Variants in C3orf20 observed in about 807,000 individuals in gnomAD.
The protein encoded by C3orf20 is family with sequence similarity 149 member C.
Under a neutral mutation model 88.3 loss-of-function variants are expected in C3orf20, and 76 were observed. The observed-to-expected ratio is 0.86, with a 90% CI of 0.72 to 1.04. The LOEUF (loss-of-function observed/expected upper bound fraction) is 1.04, where lower values mean the gene tolerates loss of function less well. Ranked by LOEUF, C3orf20 falls within the 50% of genes least tolerant of loss-of-function variation. C3orf20 has a pLI of 0.00. For missense variants in C3orf20, 1,056 were observed against 1,123.3 expected, an observed-to-expected ratio of 0.94 and a Z score of 0.86; for synonymous variants, 436 against 437.4, an observed-to-expected ratio of 1.00 and a Z score of 0.04.
Position 14,704,512 on chromosome 3 carries a change from C to T in C3orf20, c.1054C>T (p.Pro352Ser). Reference sequence around the variant, plus strand: ...TCAGACTCTCAGCCCCACCTCTCACCCATCTTCTGCCAACCATCATTTCAG... The same window carrying T: ...TCAGACTCTCAGCCCCACCTCTCACTCATCTTCTGCCAACCATCATTTCAG... ...GAQTLSPTSH[P>S]SSANHHFSQH... is the part of the protein sequence containing the mutation. Residue 352 changes from proline (P) to serine (S), a missense_variant, in exon 7 of 17, where the codon CCA (proline) becomes TCA (serine). Pro to Ser is a moderately conservative substitution (Grantham distance 74, BLOSUM62 -1). Transcript: ENST00000253697. The T allele has an allele frequency of 3.1e-6, 5 of 1,614,148 alleles. No individual in the cohort carries two copies. Among genetic ancestry groups the T allele is most frequent in the Non-Finnish European group, 3.4e-6 (4 of 1,180,014 alleles).
In C3orf20 at chr3:14,764,504, ATTATTGTTG is replaced by A. The variant is rs1245815933; in HGVS notation, c.2495+2892_2495+2900del. 4.7e-5 allele frequency among the ~76,000 whole-genome samples: 7 copies of A among 149,022 alleles called. No homozygotes were observed. In the South Asian group the frequency reaches 6.3e-4, roughly 13 times the overall value. Reference sequence around the variant, plus strand: ...GTTTATTATTATTATTATTATTATTATTATTGTTGTTGTTGTTGTTGTTGTTGTTGTTAT... The same window carrying A: ...GTTTATTATTATTATTATTATTATTATTGTTGTTGTTGTTGTTGTTGTTAT... On this transcript the variant is annotated intron_variant, in intron 15 of 16. Transcript: ENST00000253697.
At position 14,772,315 on chromosome 3, in the gene C3orf20, A is replaced by T. The variant is rs1165261945; in HGVS notation, c.2630+114A>T. The T allele has an allele frequency of 7.6e-7, 1 of 1,312,602 alleles. No individual in the cohort carries two copies. 81.3% of individuals were successfully genotyped at this position (1,312,602 alleles called of 1,614,324 possible). On this transcript the variant is annotated intron_variant, in intron 16 of 16. Transcript: ENST00000253697. This position sits in a 1 kb window ranked among gnomAD's most constrained non-coding sequence, Gnocchi z 4.2. ...GGCGTGGCCTGGGTCATGTCCAACC[A>T]TCGCTGACATCTAGCCCATGTAATC...
chr3:14,752,243 A>G (rs1001180118), intron 12 of C3orf20, among the ~76,000 whole-genome samples: 5 of 152,210 alleles, frequency 3.3e-5, no homozygotes, highest in African/African-American at 4.8e-5. Flanking sequence ...AGGATTCCCT[A>G]TTTAATAAAT....
At chr3:14,757,274 C>A in intron 12 of C3orf20, 97 bp from the exon 13 acceptor site, 3 of 1,086,076 alleles carry the variant, frequency 2.8e-6, no homozygotes, top group Non-Finnish European at 4.0e-6. Context: ...AATCTGCCTG[C>A]AGCAGGGCCT....
intron 1 of C3orf20, among the ~76,000 whole-genome samples, chr3:14,676,591 C>T (rs2031783729): frequency 6.6e-6 from 1 of 152,102 alleles, no homozygotes; most frequent in African/African-American, 2.4e-5. Context: ...TAACAAACAT[C>T]GATCTTTATA....
At chr3:14,706,671 C>A (rs1302530423) in intron 7 of C3orf20, among the ~76,000 whole-genome samples, 2 of 151,720 alleles carry the variant, frequency 1.3e-5, no homozygotes, top group Non-Finnish European at 2.9e-5. Flanking sequence ...TCCTAAAAGA[C>A]CAGGGCTCTA....
chr3:14,705,844 G>T (rs2033477619), intron 7 of C3orf20, among the ~76,000 whole-genome samples: 2 of 152,186 alleles, frequency 1.3e-5, no homozygotes, highest in African/African-American at 2.4e-5. Context: ...AAGGCATGGT[G>T]TGACTGACTG....
chr3:14,755,751 T>C (rs1326145100), intron 12 of C3orf20, among the ~76,000 whole-genome samples: 6 of 152,184 alleles, frequency 3.9e-5, no homozygotes, highest in Non-Finnish European at 7.3e-5. Flanking sequence ...GTTTCTGGGC[T>C]GGGCGCGGCG....
At chr3:14,695,481 A>G (rs6785765) in intron 5 of C3orf20, among the ~76,000 whole-genome samples, 2 of 152,156 alleles carry the variant, frequency 1.3e-5, no homozygotes, top group Non-Finnish European at 2.9e-5. Flanking sequence ...ATTGCATGAA[A>G]TGTTCTGTAA....
At chr3:14,744,578 C>A (rs540481961) in intron 12 of C3orf20, among the ~76,000 whole-genome samples, 1 of 151,866 alleles carries the variant, frequency 6.6e-6, no homozygotes, top group African/African-American at 2.4e-5. Flanking sequence ...TGTATTAGTT[C>A]GTTTTCACAC....
chr3:14,726,645 G>A (rs1034828110), intron 10 of C3orf20, among the ~76,000 whole-genome samples: 12 of 152,178 alleles, frequency 7.9e-5, no homozygotes, highest in African/African-American at 2.4e-4. Context: ...CATTGAGCAT[G>A]ATGAGAGTTC....
chr3:14,680,062 G>T (rs2032004947), intron 1 of C3orf20, among the ~76,000 whole-genome samples: 1 of 152,196 alleles, frequency 6.6e-6, no homozygotes, highest in Admixed American at 6.5e-5. Flanking sequence ...AACGCCACTG[G>T]TGGGACTGTG....
intron 7 of C3orf20, 128 bp downstream of exon 7, chr3:14,704,746 G>A (rs2033429113): frequency 8.8e-7 from 1 of 1,137,938 alleles, no homozygotes; most frequent in African/African-American, 1.5e-5. Context: ...TGGGTCTCCT[G>A]GGTATTAAGA....
At chr3:14,760,726 C>T (rs1284398247) in intron 14 of C3orf20, among the ~76,000 whole-genome samples, 1 of 150,272 alleles carries the variant, frequency 6.7e-6, no homozygotes, top group African/African-American at 2.4e-5. Flanking sequence ...TATCCTGCCT[C>T]AGCCTCCCAA....
intron 11 of C3orf20, 111 bp from the exon 12 acceptor site, chr3:14,728,328 G>A (rs2034426788): frequency 4.7e-6 from 6 of 1,284,408 alleles, no homozygotes; most frequent in Admixed American, 1.8e-5. Flanking sequence ...GAGAGCGGAG[G>A]GGAGGAGATG....
chr3:14,675,513 T>C (rs914027217), intron 1 of C3orf20, among the ~76,000 whole-genome samples: 3 of 40 alleles, frequency 0.075, no homozygotes, highest in Non-Finnish European at 0.12. Flanking sequence ...AGTGAAAAGC[T>C]GTCACCTGGC....
chr3:14,722,091 T>A (rs1029840988), intron 10 of C3orf20: 1 of 324,010 alleles, frequency 3.1e-6, no homozygotes, highest in Non-Finnish European at 5.9e-6. Flanking sequence ...CATGGCTGGA[T>A]CCAGGCCCTG....
At chr3:14,706,814 A>G (rs941081893) in intron 7 of C3orf20, among the ~76,000 whole-genome samples, 5 of 152,036 alleles carry the variant, frequency 3.3e-5, no homozygotes, top group Admixed American at 6.6e-5. Context: ...AATGGTCAGA[A>G]CACATGTGCA....
chr3:14,745,728 C>A (rs953153117), intron 12 of C3orf20, among the ~76,000 whole-genome samples: 43 of 152,180 alleles, frequency 2.8e-4, no homozygotes, highest in African/African-American at 1.0e-3. Context: ...AATTTACATT[C>A]TCATCAGCAA....
Sources: allele counts gnomAD v4.1 joint callset (sites outside exome capture counted in the v4.1 genomes callset), GRCh38; gene constraint gnomAD v4.1.1; non-coding constraint Gnocchi (gnomAD v3.1); transcripts MANE v1.5; gene names NCBI Gene and HGNC (gene_info 2026-07-23, HGNC 2026-07-21).